The following ENOX1 variants were observed in gnomAD, a reference collection of about 807,000 sequenced individuals.
The protein encoded by ENOX1 is candidate growth-related and time keeping constitutive hydroquinone (NADH) oxidase.
In ENOX1, 42 loss-of-function variants were observed where a neutral mutation model predicts 82.5. The ratio of observed to expected loss-of-function variants is 0.51; its 90% CI spans 0.40 to 0.66. The LOEUF (loss-of-function observed/expected upper bound fraction) is 0.66, where lower values mean the gene tolerates loss of function less well. Among genes scored for constraint, ENOX1 ranks in the 30% least tolerant of loss-of-function variants. The pLI is 0.00. For missense variants in ENOX1, 608 were observed against 811.6 expected (o/e 0.75, Z 3.05); for synonymous variants, 271 against 282.2 (o/e 0.96, Z 0.40).
chr13:43,537,112 T>C (rs1229643928), intron 2 of ENOX1, among the ~76,000 whole-genome samples: 1 of 152,176 alleles, frequency 6.6e-6, no homozygotes, highest in Non-Finnish European at 1.5e-5. Flanking sequence ...GAAACTGCAA[T>C]AAATGCAGAG....
chr13:43,364,607 G>A (rs2050731359), intron 5 of ENOX1, among the ~76,000 whole-genome samples: 2 of 152,226 alleles, frequency 1.3e-5, no homozygotes, highest in Admixed American at 1.3e-4. Flanking sequence ...TCAATTGGAT[G>A]AGCATTTTTC....
intron 3 of ENOX1, among the ~76,000 whole-genome samples, chr13:43,448,300 A>T (rs2056768799): frequency 6.6e-6 from 1 of 152,248 alleles, no homozygotes; most frequent in South Asian, 2.1e-4. Flanking sequence ...GTTAACTCTC[A>T]TTACCATTGT....
At chr13:43,310,113 G>A (rs1357996122) in intron 11 of ENOX1, among the ~76,000 whole-genome samples, 2 of 26,286 alleles carry the variant, frequency 7.6e-5, no homozygotes, top group East Asian at 3.1e-3. Context: ...TGAGGCAGGA[G>A]AATCGCTTGA....
intron 11 of ENOX1, among the ~76,000 whole-genome samples, chr13:43,306,243 T>C (rs1465667161): frequency 6.6e-6 from 1 of 152,166 alleles, no homozygotes; most frequent in Non-Finnish European, 1.5e-5. Context: ...TCCAGGAGGA[T>C]GTGCCATGGC....
chr13:43,722,794 G>C (rs1403449975), intron 1 of ENOX1, among the ~76,000 whole-genome samples: 1 of 151,966 alleles, frequency 6.6e-6, no homozygotes, highest in Non-Finnish European at 1.5e-5. Flanking sequence ...TGAATTCAAA[G>C]TCAATATTGA....
intron 2 of ENOX1, among the ~76,000 whole-genome samples, chr13:43,577,466 C>T (rs1294599804): frequency 3.3e-5 from 5 of 152,196 alleles, no homozygotes; most frequent in Middle Eastern, 3.2e-3. Flanking sequence ...GGACCAGTGT[C>T]TGGAGAGGGC....
intron 2 of ENOX1, among the ~76,000 whole-genome samples, chr13:43,505,473 A>G (rs1164260999): frequency 2.0e-5 from 3 of 151,994 alleles, no homozygotes; most frequent in African/African-American, 4.8e-5. Flanking sequence ...TTTCTTAAAT[A>G]TAATTGTATA....
intron 2 of ENOX1, among the ~76,000 whole-genome samples, chr13:43,649,220 A>T (rs2084037809): frequency 6.6e-6 from 1 of 152,236 alleles, no homozygotes; most frequent in South Asian, 2.1e-4. Context: ...TCATAGTGTC[A>T]ATAATTACAT....
chr13:43,576,507 T>C (rs2080429965), intron 2 of ENOX1, among the ~76,000 whole-genome samples: 1 of 152,144 alleles, frequency 6.6e-6, no homozygotes, highest in Admixed American at 6.5e-5. Context: ...ATTTAAAATG[T>C]GCCTAGTTCA....
intron 2 of ENOX1, among the ~76,000 whole-genome samples, chr13:43,561,821 A>G (rs1049727264): frequency 6.6e-6 from 1 of 152,058 alleles, no homozygotes; most frequent in Admixed American, 6.6e-5. Flanking sequence ...TCTCTACAAA[A>G]ATACAAAAAT....
At chr13:43,661,241 T>C (rs2084707062) in intron 2 of ENOX1, among the ~76,000 whole-genome samples, 1 of 152,220 alleles carries the variant, frequency 6.6e-6, no homozygotes, top group African/African-American at 2.4e-5. Context: ...TTAAGGACTA[T>C]ATTGCCTGGA....
intron 5 of ENOX1, among the ~76,000 whole-genome samples, chr13:43,405,831 G>C (rs2053761156): frequency 6.6e-6 from 1 of 152,204 alleles, no homozygotes; most frequent in South Asian, 2.1e-4. Flanking sequence ...AACATGCTCT[G>C]TAAAAATATA....
chr13:43,331,016 GCGCTGGT>G (rs1441265624), intron 9 of ENOX1, among the ~76,000 whole-genome samples: 1 of 152,182 alleles, frequency 6.6e-6, no homozygotes, highest in Non-Finnish European at 1.5e-5. Context: ...ATCATGAGAA[GCGCTGGT>G]CTTCAGCCTT....
intron 1 of ENOX1, among the ~76,000 whole-genome samples, chr13:43,712,090 A>G (rs1231938754): frequency 6.6e-6 from 1 of 151,666 alleles, no homozygotes; most frequent in African/African-American, 2.4e-5. Context: ...TCTGGAATTA[A>G]TTTTTGTATA....
chr13:43,574,851 C>T (rs1027938818), intron 2 of ENOX1, among the ~76,000 whole-genome samples: 3 of 152,188 alleles, frequency 2.0e-5, no homozygotes, highest in East Asian at 1.9e-4. Flanking sequence ...TGGGTGTGTA[C>T]GATTGAGGTT....
intron 1 of ENOX1, among the ~76,000 whole-genome samples, chr13:43,744,011 C>T (rs2153828368): frequency 6.6e-6 from 1 of 152,268 alleles, no homozygotes; most frequent in East Asian, 1.9e-4. Context: ...GAGGGCAAAG[C>T]CCTCATGATC....
intron 9 of ENOX1, among the ~76,000 whole-genome samples, chr13:43,328,051 C>T (rs1435805883): frequency 6.6e-6 from 1 of 152,166 alleles, no homozygotes; most frequent in Non-Finnish European, 1.5e-5. Context: ...GATTTGCCTT[C>T]AATTTGTCTC....
chr13:43,243,526 G>C (rs2042940002), intron 14 of ENOX1, among the ~76,000 whole-genome samples: 1 of 152,104 alleles, frequency 6.6e-6, no homozygotes, highest in Non-Finnish European at 1.5e-5. Flanking sequence ...GGCCTGAAGC[G>C]ATCCTCTTGC....
intron 1 of ENOX1, among the ~76,000 whole-genome samples, chr13:43,686,912 G>GA (rs2086106572): frequency 6.6e-6 from 1 of 152,130 alleles, no homozygotes; most frequent in Non-Finnish European, 1.5e-5. Context: ...AAGAAAGGTA[G>GA]AAAAGGCAGC....
Sources: gnomAD v4.1 joint callset for allele counts (sites outside exome capture counted in the v4.1 genomes callset) on GRCh38, gnomAD v4.1.1 for gene constraint, MANE v1.5 for transcripts, NCBI Gene and HGNC (gene_info 2026-07-23, HGNC 2026-07-21) for gene names.